The following ZNF727 variants were observed in gnomAD, a reference collection of about 807,000 sequenced individuals.
ZNF727 encodes the protein putative zinc finger protein 727.
A neutral mutation model predicts 11.5 loss-of-function variants in ZNF727; 11 were observed. The observed-to-expected ratio is 0.95, with a 90% CI of 0.60 to 1.58. ZNF727 has a LOEUF of 1.58. Ranked by LOEUF, ZNF727 falls within the 40% of genes most tolerant of loss-of-function variation. ZNF727 has a pLI of 0.00. For missense variants in ZNF727, 533 were observed against 581.7 expected, an observed-to-expected ratio of 0.92 and a Z score of 0.86; for synonymous variants, 171 against 196.1, an observed-to-expected ratio of 0.87 and a Z score of 1.07.
chr7:64,066,475 C>T (rs1789871325), intron 1 of ZNF727, among the ~76,000 whole-genome samples: 1 of 132,872 alleles, frequency 7.5e-6, no homozygotes, highest in African/African-American at 3.0e-5. Flanking sequence ...TGGAACAGAA[C>T]AGAGGCCTCA....
In ZNF727 at chr7:64,058,596, T is replaced by A. The variant is rs184753812; in HGVS notation, c.4-10295T>A. On this transcript the variant is annotated intron_variant, in intron 1 of 3. Transcript: ENST00000456806. ...ATAGACACAGAAATAAGCCAGAGCC[T>A]AACCCTTTCTGAGCCACCATCTGTG... Among the ~76,000 whole-genome samples the A allele has an allele frequency of 1.4e-3, 213 of 152,310 alleles. 1 individual carries two copies. The highest frequency in any genetic ancestry group is 3.4e-3 in the Middle Eastern group (1 of 294).
chr7:64,078,510 G>T lies in ZNF727; in HGVS notation c.1461G>T (p.Lys487Asn), dbSNP rs369383353. 1.9e-6 allele frequency: 3 copies of T among 1,561,658 alleles called. No individual in the cohort carries two copies. The highest frequency in any genetic ancestry group is 2.6e-6 in the Non-Finnish European group (3 of 1,152,706). Residue 487 changes from lysine to asparagine, a missense_variant, in exon 4 of 4, where the codon AAG becomes AAT. Physicochemically the swap from Lys to Asn is moderately conservative, Grantham distance 94. Around this residue, in one of 3 missense-constraint regions of ZNF727, gnomAD observed 54 missense variants for 48.6 expected, o/e 1.11. Transcript: ENST00000456806. ...DRPTSAKNVA[K>N]PLGGSQTLLN... ...CTACAAGTGCAAAGAATGTGGCAAAGCCTTTAGGTGGTTCTCAGACCTTAC... is the reference window on the plus strand; with the variant it reads ...CTACAAGTGCAAAGAATGTGGCAAATCCTTTAGGTGGTTCTCAGACCTTAC...
At chr7:64,076,646 A>G (rs893464776) in intron 3 of ZNF727, among the ~76,000 whole-genome samples, 1 of 152,192 alleles carries the variant, frequency 6.6e-6, no homozygotes, top group Non-Finnish European at 1.5e-5. Context: ...TCTTCTGAGA[A>G]TGTGCCATAT....
Position 64,080,844 on chromosome 7 carries a change from C to G in ZNF727, c.*2295C>G, listed in dbSNP as rs1454585156. On this transcript the variant is annotated 3_prime_UTR_variant, in exon 4 of 4. Coordinates refer to ENST00000456806, the MANE Select transcript of ZNF727 (RefSeq NM_001159522.3). ...GATTGTGGTAAAAGGTGGATTCAGC[C>G]AACAGGCTTTGTTCCTGGGAGTTTT... 6.6e-6 allele frequency among the ~76,000 whole-genome samples: 1 copy of G among 151,282 alleles called. No individual in the cohort carries two copies. Among genetic ancestry groups the G allele is most frequent in the African/African-American group, 2.4e-5 (1 of 41,220 alleles).
intron 1 of ZNF727, among the ~76,000 whole-genome samples, chr7:64,046,292 A>G (rs1215649510): frequency 2.0e-5 from 3 of 152,120 alleles, no homozygotes; most frequent in African/African-American, 7.2e-5. Flanking sequence ...CGGGCCTCCT[A>G]AAGTGCCGGG....
chr7:64,048,659 A>G (rs933436465), intron 1 of ZNF727, among the ~76,000 whole-genome samples: 7 of 152,198 alleles, frequency 4.6e-5, no homozygotes, highest in Admixed American at 2.6e-4. Flanking sequence ...AAGCAATATG[A>G]TTGTCTAGTA....
intron 1 of ZNF727, among the ~76,000 whole-genome samples, chr7:64,062,479 T>G (rs918127194): frequency 5.3e-5 from 8 of 151,798 alleles, no homozygotes; most frequent in Non-Finnish European, 8.8e-5. Flanking sequence ...ACATTAAGTA[T>G]GTCATGTCAC....
chr7:64,050,030 A>T (rs1789566200), intron 1 of ZNF727, among the ~76,000 whole-genome samples: 1 of 151,912 alleles, frequency 6.6e-6, no homozygotes, highest in African/African-American at 2.4e-5. Context: ...TGTATTGGAC[A>T]AGTTATAAAA....
chr7:64,070,903 C>T (rs567431944), intron 3 of ZNF727, among the ~76,000 whole-genome samples: 11 of 152,064 alleles, frequency 7.2e-5, no homozygotes, highest in East Asian at 5.8e-4. Flanking sequence ...ATGTTTCACT[C>T]GGCATAACGT....
chr7:64,051,661 G>C (rs1040298059), intron 1 of ZNF727, among the ~76,000 whole-genome samples: 2 of 151,586 alleles, frequency 1.3e-5, no homozygotes, highest in African/African-American at 2.4e-5. Flanking sequence ...TTCCCAATTT[G>C]ATCTTAGCTG....
chr7:64,078,495 A>G lies in ZNF727; in HGVS notation c.1446A>G (p.Ala482=), dbSNP rs757524752. The change falls in exon 4 of 4, where the codon GCA becomes GCG. Residue 482 remains alanine (A), a synonymous_variant. Coordinates refer to ENST00000456806, the MANE Select transcript of ZNF727 (RefSeq NM_001159522.3). ...ATACTGGAGACAGACCTACAAGTGCAAAGAATGTGGCAAAGCCTTTAGGTG... is the reference window on the plus strand; with the variant it reads ...ATACTGGAGACAGACCTACAAGTGCGAAGAATGTGGCAAAGCCTTTAGGTG... The part of the protein sequence containing the change: ...RSHTGDRPTS[A]KNVAKPLGGS... 1.2e-4 allele frequency: 182 copies of G among 1,563,856 alleles called. No individual in the cohort carries two copies. Among genetic ancestry groups the G allele is most frequent in the Non-Finnish European group, 1.6e-4 (179 of 1,153,992 alleles).
At chr7:64,067,430 A>G (rs955944580) in intron 1 of ZNF727, among the ~76,000 whole-genome samples, 1 of 152,182 alleles carries the variant, frequency 6.6e-6, no homozygotes, top group African/African-American at 2.4e-5. Context: ...ATAAAGGCAC[A>G]TGCACATGTA....
At chr7:64,062,704 G>A (rs1469638990) in intron 1 of ZNF727, among the ~76,000 whole-genome samples, 33 of 31,464 alleles carry the variant, frequency 1.0e-3, no homozygotes, top group Non-Finnish European at 1.9e-3. Context: ...ATATATATAT[G>A]AAGTTCTCAT....
intron 2 of ZNF727, 111 bp downstream of exon 2, chr7:64,069,128 A>T: frequency 8.0e-7 from 1 of 1,257,344 alleles, no homozygotes. Context: ...CTGCTTCAAA[A>T]AGAAAAAATT....
intron 1 of ZNF727, 52 bp from the exon 2 acceptor site, chr7:64,068,839 C>G: frequency 6.5e-7 from 1 of 1,548,892 alleles, no homozygotes; most frequent in Non-Finnish European, 8.7e-7. Context: ...TACCTGATGT[C>G]AAATCAAGAA....
chr7:64,065,777 G>C (rs1277066136), intron 1 of ZNF727, among the ~76,000 whole-genome samples: 2 of 152,130 alleles, frequency 1.3e-5, no homozygotes, highest in Non-Finnish European at 2.9e-5. Flanking sequence ...TAGTCAAGGG[G>C]CTCTGAGAAA....
intron 3 of ZNF727, among the ~76,000 whole-genome samples, chr7:64,076,389 T>C (rs1785657154): frequency 6.6e-6 from 1 of 152,140 alleles, no homozygotes; most frequent in Non-Finnish European, 1.5e-5. Context: ...GGCGGGCGGA[T>C]CACCCAAGGT....
chr7:64,081,387 A>G lies in ZNF727; in HGVS notation c.*2838A>G, dbSNP rs2861510. On this transcript the variant is annotated 3_prime_UTR_variant, in exon 4 of 4. Transcript: ENST00000456806. ...TACCCGCCAAAGCTTCATCTACAAT[A>G]GCAATTGCTGGGAGTGGCAGGGGCA... Among the ~76,000 whole-genome samples the G allele has an allele frequency of 0.65, 98,640 of 151,946 alleles. 32,418 individuals are homozygous for G. Among genetic ancestry groups the G allele is most frequent in the Admixed American group, 0.73 (11,074 of 15,266 alleles).
At chr7:64,069,391 A>G in intron 2 of ZNF727, 123 bp from the exon 3 acceptor site, 1 of 877,052 alleles carries the variant, frequency 1.1e-6, no homozygotes, top group Non-Finnish European at 1.8e-6. Context: ...GTTACAAAAC[A>G]GTAGATTGGA....
Sources: allele counts gnomAD v4.1 joint callset (sites outside exome capture counted in the v4.1 genomes callset), GRCh38; gene constraint gnomAD v4.1.1; regional missense constraint gnomAD v4.1.1; transcripts MANE v1.5; gene names NCBI Gene and HGNC (gene_info 2026-07-23, HGNC 2026-07-21).